The following CDH26 variants were observed in gnomAD, a reference collection of about 807,000 sequenced individuals.
CDH26 encodes cadherin-like protein 26.
CDH26 carries 83 observed loss-of-function variants against 90.3 expected under a neutral mutation model. That is an observed-to-expected ratio of 0.92 (90% confidence interval 0.77 to 1.10). The LOEUF (loss-of-function observed/expected upper bound fraction) is 1.10, where lower values mean the gene tolerates loss of function less well. CDH26 is among the 50% of genes least tolerant of loss of function. The pLI is 0.00. For missense variants in CDH26, 1,013 were observed against 1,037.6 expected (o/e 0.98, Z 0.33); for synonymous variants, 397 against 396.3 (o/e 1.00, Z -0.02).
At chr20:59,977,969 C>A (rs1470796754) in intron 4 of CDH26, among the ~76,000 whole-genome samples, 5 of 152,202 alleles carry the variant, frequency 3.3e-5, no homozygotes, top group African/African-American at 1.2e-4. Flanking sequence ...TTTTTACTGT[C>A]TCCCCACTTT....
At position 60,030,321 on chromosome 20, in the gene CDH26, T is replaced by C. The variant is rs1180386968; in HGVS notation, c.948-910T>C. Among the ~76,000 whole-genome samples the C allele has an allele frequency of 6.6e-6, 1 of 152,238 alleles. No individual in the cohort carries two copies. Among genetic ancestry groups the C allele is most frequent in the Non-Finnish European group, 1.5e-5 (1 of 68,028 alleles). ...TCAGCATTCCAGGACATCAGGGTGATTTGAAGTCAATCACAGCAGAGAAAC... is the reference window on the plus strand; with the variant it reads ...TCAGCATTCCAGGACATCAGGGTGACTTGAAGTCAATCACAGCAGAGAAAC... On this transcript the variant is annotated intron_variant, in intron 7 of 8. Coordinates refer to the CDH26 transcript ENST00000370991. This position sits in a 1 kb window ranked among gnomAD's most constrained non-coding sequence, Gnocchi z 4.0.
chr20:59,960,749 A>G (rs1031108060), intron 1 of CDH26, among the ~76,000 whole-genome samples: 5 of 152,200 alleles, frequency 3.3e-5, no homozygotes, highest in African/African-American at 1.2e-4. Context: ...ACCATGGCAC[A>G]CATATTCCCA....
chr20:60,032,274 T>C (rs78434491), intron 8 of CDH26, among the ~76,000 whole-genome samples: 482 of 152,334 alleles, frequency 3.2e-3, no homozygotes, highest in African/African-American at 0.011. Flanking sequence ...GCCTGTAGGT[T>C]GGCTGTGGCA....
intron 8 of CDH26, among the ~76,000 whole-genome samples, chr20:60,033,003 A>AT (rs1436983351): frequency 6.6e-6 from 1 of 150,908 alleles, no homozygotes; most frequent in African/African-American, 2.4e-5. Context: ...TATAATAATA[A>AT]AAAAAAAAGA....
chr20:59,992,386 T>C lies in CDH26; in HGVS notation c.1292T>C (p.Leu431Pro). Residue 431 changes from leucine (L) to proline (P), a missense_variant, in exon 10 of 18, where the codon CTG (leucine) becomes CCG (proline). Physicochemically the swap from Leu to Pro is moderately conservative, Grantham distance 98. Coordinates refer to ENST00000348616, the MANE Select transcript of CDH26 (RefSeq NM_177980.4). The surrounding 1 kb of genome is among the most constrained non-coding windows in gnomAD (Gnocchi z 5.0). Reference protein sequence around the residue: ...MDPDSQIRYELVHDPANWVSV... With the variant: ...MDPDSQIRYEPVHDPANWVSV... ...CGTTTTCCTTCTACAAGATATGAAC[T>C]GGTTCATGACCCAGCAAATTGGGTC... is the stretch of plus-strand genomic sequence containing the variant. The C allele has an allele frequency of 6.2e-7, 1 of 1,613,734 alleles. No individual in the cohort carries two copies. The highest frequency in any genetic ancestry group is 8.5e-7 in the Non-Finnish European group (1 of 1,179,868).
At chr20:59,959,479 G>A (rs761797917) in intron 1 of CDH26, among the ~76,000 whole-genome samples, 2 of 151,172 alleles carry the variant, frequency 1.3e-5, no homozygotes, top group African/African-American at 2.4e-5. Flanking sequence ...TCAGTGCACC[G>A]CAACCTCCTC....
downstream of CDH26, among the ~76,000 whole-genome samples, chr20:60,018,616 G>A (rs1157196847): frequency 1.3e-5 from 2 of 150,772 alleles, no homozygotes; most frequent in African/African-American, 2.4e-5. Flanking sequence ...GGATAAGTGA[G>A]GGCTTACTCC....
Position 60,029,372 on chromosome 20 carries a change from T to TCTATAGTCAACAACGTAGTAC in CDH26, c.948-1841_948-1840insTACCTATAGTCAACAACGTAG, listed in dbSNP as rs1569072244. Among the ~76,000 whole-genome samples, 23 of 42,164 alleles carry TCTATAGTCAACAACGTAGTAC rather than the reference T, an allele frequency of 5.5e-4. No homozygotes were observed. In the East Asian group the frequency reaches 0.02, roughly 37 times the overall value. 27.7% of individuals were successfully genotyped at this position (42,164 alleles called of 152,430 possible). On this transcript the variant is annotated intron_variant, in intron 7 of 8. Coordinates refer to the CDH26 transcript ENST00000370991. The stretch of plus-strand genomic sequence containing the variant: ...AGCACCTATAGTCAACAACGTAGCA[T>TCTATAGTCAACAACGTAGTAC]CTATAGTCAACAACGTAGCACCTAT...
chr20:60,002,766 C>T, intron 15 of CDH26, 47 bp from the exon 16 acceptor site: 2 of 1,470,244 alleles, frequency 1.4e-6, no homozygotes, highest in Non-Finnish European at 9.3e-7. Flanking sequence ...TATTTGCATC[C>T]TTTGGTAATT....
intron 9 of CDH26, among the ~76,000 whole-genome samples, chr20:59,989,767 C>T (rs1172659889): frequency 6.6e-6 from 1 of 152,154 alleles, no homozygotes; most frequent in Admixed American, 6.5e-5. Flanking sequence ...TTAGAATAAT[C>T]CGTTACATTT....
Position 59,987,479 on chromosome 20 carries a change from A to T in CDH26, c.864A>T (p.Arg288=). The T allele has an allele frequency of 6.2e-7, 1 of 1,612,708 alleles. No homozygotes were observed. Among genetic ancestry groups the T allele is most frequent in the Non-Finnish European group, 8.5e-7 (1 of 1,179,478 alleles). Residue 288 remains arginine (R), a synonymous_variant, in exon 8 of 18, where the codon CGA becomes CGT. Transcript: ENST00000348616. ...ENYKVQIPEG[R]ASQGVLRLLV... Reference sequence around the variant, plus strand: ...ATAAGGTTCAGATTCCTGAAGGCCGAGCCAGCCAGGGCGTGTTGCGTCTCC... The same window carrying T: ...ATAAGGTTCAGATTCCTGAAGGCCGTGCCAGCCAGGGCGTGTTGCGTCTCC...
chr20:60,011,085 C>T (rs1286472156), intron 17 of CDH26, among the ~76,000 whole-genome samples: 1 of 152,178 alleles, frequency 6.6e-6, no homozygotes, highest in Non-Finnish European at 1.5e-5. Flanking sequence ...GCCACTCTCG[C>T]CCCAATGAGT....
At chr20:60,018,642 T>C (rs755013209), downstream of CDH26, among the ~76,000 whole-genome samples, 14 of 151,416 alleles carry the variant, frequency 9.2e-5, no homozygotes, top group Non-Finnish European at 1.8e-4. Context: ...TTTTATTGAT[T>C]TATTGATTGC....
In CDH26 at chr20:60,030,324, G is replaced by C. The variant is rs2062030295; in HGVS notation, c.948-907G>C. 6.6e-6 allele frequency among the ~76,000 whole-genome samples: 1 copy of C among 152,188 alleles called. No individual in the cohort carries two copies. The highest frequency in any genetic ancestry group is 2.1e-4 in the South Asian group (1 of 4,828). The stretch of plus-strand genomic sequence containing the variant: ...GCATTCCAGGACATCAGGGTGATTT[G>C]AAGTCAATCACAGCAGAGAAACTTT... On this transcript the variant is annotated intron_variant, in intron 7 of 8. Transcript: ENST00000370991. The surrounding 1 kb of genome is among the most constrained non-coding windows in gnomAD (Gnocchi z 4.0).
At chr20:60,016,605 T>G (rs1422901720), downstream of CDH26, among the ~76,000 whole-genome samples, 1 of 150,990 alleles carries the variant, frequency 6.6e-6, no homozygotes, top group African/African-American at 2.5e-5. Context: ...TCCCTTTTTT[T>G]CTTCCTCTTG....
chr20:59,971,090 C>T (rs2061255777), intron 3 of CDH26, among the ~76,000 whole-genome samples: 1 of 152,078 alleles, frequency 6.6e-6, no homozygotes, highest in African/African-American at 2.4e-5. Context: ...TGTTTATTTC[C>T]ACTACCTTCC....
chr20:60,021,037 C>T (rs1407872310), intron 7 of CDH26, among the ~76,000 whole-genome samples: 1 of 152,204 alleles, frequency 6.6e-6, no homozygotes, highest in Non-Finnish European at 1.5e-5. Flanking sequence ...GTCACAGGTA[C>T]TTCTCCATTC....
chr20:60,035,272 T>C (rs975868992), downstream of CDH26, among the ~76,000 whole-genome samples: 1 of 152,234 alleles, frequency 6.6e-6, no homozygotes. Flanking sequence ...ACTTTTTCTA[T>C]GCATGCATGA....
intron 9 of CDH26, among the ~76,000 whole-genome samples, chr20:59,991,984 A>T (rs1175884238): frequency 2.0e-5 from 3 of 152,226 alleles, no homozygotes; most frequent in African/African-American, 7.2e-5. Flanking sequence ...GGAACACACC[A>T]GGGGTAAAGT....
Sources: allele counts gnomAD v4.1 joint callset (sites outside exome capture counted in the v4.1 genomes callset), GRCh38; gene constraint gnomAD v4.1.1; non-coding constraint Gnocchi (gnomAD v3.1); transcripts MANE v1.5; gene names NCBI Gene and HGNC (gene_info 2026-07-23, HGNC 2026-07-21).